Variants in UBA52 observed in about 807,000 individuals in gnomAD.
UBA52 encodes the protein ubiquitin A-52 residue ribosomal protein fusion product 1, also known as ubiquitin-ribosomal protein eL40 fusion protein.
A neutral mutation model predicts 15.3 loss-of-function variants in UBA52; 1 was observed. That is an observed-to-expected ratio of 0.07 (90% CI 0.02 to 0.31). The LOEUF (loss-of-function observed/expected upper bound fraction) is 0.31, where lower values mean the gene tolerates loss of function less well. Ranked by LOEUF, UBA52 falls within the 10% of genes least tolerant of loss-of-function variation. UBA52 has a pLI of 1.00. For synonymous variants in UBA52, 50 were observed against 58.3 expected (o/e 0.86, Z 0.65); for missense variants, 87 against 168.0 (o/e 0.52, Z 2.66).
chr19:18,573,063 G>A, intron 1 of UBA52: 1 of 1,324,630 alleles, frequency 7.5e-7, no homozygotes, highest in Non-Finnish European at 9.9e-7. Flanking sequence ...GGTCAGGAGG[G>A]TGGAGGACAT....
In UBA52 at chr19:18,576,698, A is replaced by G. The variant is rs543503276; in HGVS notation, c.*1548A>G. On this transcript the variant is annotated 3_prime_UTR_variant, in exon 5 of 5. Transcript: ENST00000442744. ...TTTTTTGAGATGGAGCCTTGCTCCC[A>G]TCGTGCAGGCTGGAGTGCGGTGGCG... 6 of 137,590 alleles carry G rather than the reference A, an allele frequency of 4.4e-5. No individual in the cohort carries two copies. Among genetic ancestry groups the G allele is most frequent in the Admixed American group, 3.9e-4 (5 of 12,944 alleles). The allele number at this position is 137,590 out of a possible 1,614,324, so 8.5% of individuals were successfully genotyped here.
upstream of UBA52, chr19:18,568,505 C>T: frequency 1.2e-6 from 2 of 1,614,116 alleles, no homozygotes; most frequent in Middle Eastern, 1.6e-4. Flanking sequence ...GCTCATGTGA[C>T]ACCAGCCCCG....
intron 1 of UBA52, chr19:18,572,190 T>G (rs1975524957): frequency 6.6e-6 from 1 of 152,258 alleles, no homozygotes; most frequent in Non-Finnish European, 1.5e-5. Flanking sequence ...GTATTGAGCG[T>G]GTAGCGTTAA....
At chr19:18,572,774 G>A (rs1454245444) in intron 1 of UBA52, 5 of 1,002,158 alleles carry the variant, frequency 5.0e-6, no homozygotes, top group South Asian at 4.1e-5. Flanking sequence ...GAAGCTAAGA[G>A]TGTTGGGTGC....
intron 1 of UBA52, chr19:18,572,182 A>G (rs1254194227): frequency 6.6e-6 from 1 of 152,232 alleles, no homozygotes; most frequent in Non-Finnish European, 1.5e-5. Flanking sequence ...AGAGAGGGGT[A>G]TTGAGCGTGT....
the UBA52 span, among the ~76,000 whole-genome samples, chr19:18,564,335 G>T: frequency 0.14 from 21,028 of 152,002 alleles, 1,815 homozygotes; most frequent in Middle Eastern, 0.23. Flanking sequence ...AAAAGAGTCT[G>T]ATTGGGCCAG....
rs758468757 is a variant in UBA52, at chr19:18,575,363, C to T, written c.*213C>T. 2.4e-5 allele frequency: 14 copies of T among 583,956 alleles called. No homozygotes were observed. The Admixed American group carries it at 3.6e-4, about 15-fold the overall frequency. 36.2% of individuals were successfully genotyped at this position (583,956 alleles called of 1,614,324 possible). A position where few individuals can be genotyped will look rare whatever the true frequency, so the allele number is the denominator to read the frequency against. ...GGGTCTTCTGTCCTAGATTCTGTCA[C>T]ATCGGCATTGGTCCCTGCCCTATGC... On this transcript the variant is annotated 3_prime_UTR_variant, in exon 5 of 5. Transcript: ENST00000442744.
chr19:18,566,051 G>A, the UBA52 span, among the ~76,000 whole-genome samples: 4 of 152,076 alleles, frequency 2.6e-5, no homozygotes, highest in Admixed American at 1.3e-4. Context: ...GGCTCATCTC[G>A]AAGTCCTGGC....
intron 3 of UBA52, among the ~76,000 whole-genome samples, chr19:18,573,963 C>T (rs917158713): frequency 6.7e-6 from 1 of 149,630 alleles, no homozygotes; most frequent in African/African-American, 2.4e-5. Context: ...CCAGCCTGGA[C>T]AACGTGGTGA....
At chr19:18,568,701 T>C (rs1975383217), upstream of UBA52, 4 of 1,200,766 alleles carry the variant, frequency 3.3e-6, no homozygotes, top group Non-Finnish European at 4.8e-6. Context: ...TAACCCTGCC[T>C]TGTTCTGTCA....
the UBA52 span, among the ~76,000 whole-genome samples, chr19:18,566,347 A>G: frequency 1.3e-5 from 2 of 151,798 alleles, no homozygotes; most frequent in Non-Finnish European, 2.9e-5. Context: ...GGGCGTCTGT[A>G]TTGCCAGCTA....
the UBA52 span, among the ~76,000 whole-genome samples, chr19:18,566,490 A>G: frequency 1.3e-5 from 2 of 151,322 alleles, no homozygotes; most frequent in Admixed American, 6.6e-5. Flanking sequence ...TGCTAGACAC[A>G]TAATGAAAAG....
At chr19:18,568,285 G>A (rs1296696692), upstream of UBA52, 1 of 690,240 alleles carries the variant, frequency 1.4e-6, no homozygotes. Flanking sequence ...AAAAAAAAAG[G>A]GTCAAGTCAT....
chr19:18,565,094 A>G, the UBA52 span: 16 of 1,576,982 alleles, frequency 1.0e-5, no homozygotes, highest in Non-Finnish European at 1.4e-5. Context: ...AGTTTCCTTC[A>G]CATACCAGGG....
upstream of UBA52, chr19:18,568,557 TC>T: frequency 3.7e-6 from 6 of 1,613,836 alleles, no homozygotes; most frequent in Non-Finnish European, 5.1e-6. Context: ...CGAGGACCTG[TC>T]CCATGTCCAG....
upstream of UBA52, chr19:18,567,238 C>A: frequency 6.4e-7 from 1 of 1,567,930 alleles, no homozygotes; most frequent in Non-Finnish European, 8.8e-7. Flanking sequence ...CCAGGGCAGG[C>A]TTCTGGAAGG....
At chr19:18,567,337 TG>T, upstream of UBA52, 2 of 721,368 alleles carry the variant, frequency 2.8e-6, no homozygotes, top group South Asian at 3.3e-5. Context: ...GGTGCTGGCC[TG>T]GTCCTGTCAG....
Position 18,576,030 on chromosome 19 carries a change from G to A in UBA52, c.*880G>A, listed in dbSNP as rs1455080478. 6.6e-6 allele frequency: 1 copy of A among 152,306 alleles called. No homozygotes were observed. Among genetic ancestry groups the A allele is most frequent in the Non-Finnish European group, 1.5e-5 (1 of 68,120 alleles). 9.4% of individuals were successfully genotyped at this position (152,306 alleles called of 1,614,324 possible). A position where few individuals can be genotyped will look rare whatever the true frequency, so the allele number is the denominator to read the frequency against. ...CAGAATGCTGGTATTACAGGCGTGA[G>A]CCAGCACGCCTGGCCCAGTTACTCA... On this transcript the variant is annotated 3_prime_UTR_variant, in exon 5 of 5. Transcript: ENST00000442744.
rs41293561 is a variant in UBA52 at position 18,574,066 on chromosome 19, A to T, written c.190+318A>T. On this transcript the variant is annotated intron_variant, in intron 3 of 4. Coordinates refer to ENST00000442744, the MANE Select transcript of UBA52 (RefSeq NM_001033930.3). ...TTCGGGAGGCTGAGGCGGGCAGATC[A>T]CAAGGTCAAGAGATTGAGATCATCA... 4.9e-3 allele frequency among the ~76,000 whole-genome samples: 743 copies of T among 152,098 alleles called. 2 individuals carry two copies. Among genetic ancestry groups the T allele is most frequent in the Non-Finnish European group, 7.7e-3 (524 of 67,970 alleles).
Sources: gnomAD v4.1 joint callset for allele counts (sites outside exome capture counted in the v4.1 genomes callset) on GRCh38, gnomAD v4.1.1 for gene constraint, MANE v1.5 for transcripts, NCBI Gene and HGNC (gene_info 2026-07-23, HGNC 2026-07-21) for gene names.